The following CCDC62 variants were observed in gnomAD, a reference collection of about 807,000 sequenced individuals.
CCDC62 encodes coiled-coil domain-containing protein 62.
CCDC62 carries 72 observed loss-of-function variants against 80.8 expected under a neutral mutation model. The observed-to-expected ratio is 0.89, with a 90% CI of 0.74 to 1.08. The LOEUF (loss-of-function observed/expected upper bound fraction) is 1.08. CCDC62 is among the 50% of genes least tolerant of loss of function. The probability of loss-of-function intolerance (pLI) is 0.00; values close to 1 mark genes in which losing one functional copy is unlikely to be tolerated. For synonymous variants in CCDC62, 286 were observed against 296.5 expected, an observed-to-expected ratio of 0.96 and a Z score of 0.36; for missense variants, 704 against 809.4, an observed-to-expected ratio of 0.87 and a Z score of 1.58.
intron 11 of CCDC62, among the ~76,000 whole-genome samples, chr12:122,823,142 G>A (rs1359413542): frequency 6.6e-6 from 1 of 152,124 alleles, no homozygotes; most frequent in Non-Finnish European, 1.5e-5. Flanking sequence ...TGTATTTTTG[G>A]TAGAGATGGG....
chr12:122,803,696 T>C (rs943190218), intron 9 of CCDC62, among the ~76,000 whole-genome samples: 5 of 152,222 alleles, frequency 3.3e-5, no homozygotes, highest in African/African-American at 1.2e-4. Flanking sequence ...TTCTGCCAGT[T>C]GCAAATTATT....
intron 11 of CCDC62, 26 bp downstream of exon 11, chr12:122,813,445 A>G (rs1341686103): frequency 2.5e-6 from 4 of 1,601,192 alleles, no homozygotes; most frequent in East Asian, 2.2e-5. Context: ...TCTCTTGACT[A>G]TATTTGTCAC....
intron 1 of CCDC62, among the ~76,000 whole-genome samples, chr12:122,776,286 C>T (rs1282156136): frequency 6.6e-6 from 1 of 152,152 alleles, no homozygotes; most frequent in Non-Finnish European, 1.5e-5. Flanking sequence ...GTGGCTAATT[C>T]TGGGATCACA....
intron 6 of CCDC62, among the ~76,000 whole-genome samples, chr12:122,793,283 C>T (rs752744376): frequency 6.6e-6 from 1 of 151,986 alleles, no homozygotes; most frequent in Non-Finnish European, 1.5e-5. Context: ...GGGTAGGTAT[C>T]AGTAGACCAA....
chr12:122,812,650 G>A (rs1188728173), intron 10 of CCDC62, among the ~76,000 whole-genome samples: 45 of 9,906 alleles, frequency 4.5e-3, no homozygotes, highest in East Asian at 0.033. Context: ...AGGCTGAGGT[G>A]GGTGGAGCTT....
At chr12:122,808,633 C>T (rs1030982044) in intron 10 of CCDC62, among the ~76,000 whole-genome samples, 5 of 151,990 alleles carry the variant, frequency 3.3e-5, no homozygotes, top group African/African-American at 1.2e-4. Context: ...CTCAAGTAAT[C>T]CTCCCACTGC....
chr12:122,805,282 A>G (rs1593813975), intron 9 of CCDC62, among the ~76,000 whole-genome samples: 1 of 83,988 alleles, frequency 1.2e-5, no homozygotes, highest in Non-Finnish European at 2.3e-5. Context: ...ATTTCATTGT[A>G]TTTTTAGGGG....
At chr12:122,815,153 A>C (rs1226639242) in intron 11 of CCDC62, among the ~76,000 whole-genome samples, 3 of 151,988 alleles carry the variant, frequency 2.0e-5, no homozygotes, top group Non-Finnish European at 4.4e-5. Context: ...TGCAGGGCCA[A>C]CTTGAACCTC....
At chr12:122,777,717 CT>C (rs1215122786) in intron 2 of CCDC62, 34 bp downstream of exon 2, 6 of 1,572,976 alleles carry the variant, frequency 3.8e-6, no homozygotes, top group Non-Finnish European at 5.2e-6. Context: ...CAGTTATGCA[CT>C]TCTGTGTGCT....
intron 5 of CCDC62, among the ~76,000 whole-genome samples, 189 bp downstream of exon 5, chr12:122,789,118 G>A (rs2030446553): frequency 1.3e-5 from 2 of 152,306 alleles, no homozygotes; most frequent in African/African-American, 2.4e-5. Context: ...AACAGAGTTG[G>A]GGAAAACTGC....
chr12:122,821,065 C>A (rs1252608020), intron 11 of CCDC62, among the ~76,000 whole-genome samples: 1 of 152,050 alleles, frequency 6.6e-6, no homozygotes, highest in African/African-American at 2.4e-5. Context: ...GGGGTCTTTC[C>A]AGGCATCATC....
chr12:122,795,892 C>T (rs2030922821), intron 6 of CCDC62, among the ~76,000 whole-genome samples: 1 of 152,186 alleles, frequency 6.6e-6, no homozygotes, highest in African/African-American at 2.4e-5. Flanking sequence ...GATCAGAATT[C>T]AGCAGGTTCC....
At position 122,801,115 on chromosome 12, in the gene CCDC62, C is replaced by T; in HGVS notation, c.978-9C>T. On this transcript the variant is annotated splice_polypyrimidine_tract_variant and intron_variant, in intron 8 of 12. Transcript: ENST00000253079. ...TATAACCTCCATTTTTTTTCTAATG[C>T]CACCATAGCAGAGACATGTGTTTAT... The T allele has an allele frequency of 1.3e-6, 2 of 1,582,880 alleles. No individual in the cohort carries two copies. The highest frequency in any genetic ancestry group is 1.9e-5 in the Admixed American group (1 of 51,600).
rs530117166 is a variant in CCDC62 at position 122,782,472 on chromosome 12, T to C, written c.396+1142T>C. On this transcript the variant is annotated intron_variant, in intron 3 of 12. Coordinates refer to ENST00000253079, the MANE Select transcript of CCDC62 (RefSeq NM_201435.5). ...TGTTTTCTAAATTATTGTGTGTTTT[T>C]TTTGAGATGGAGTTTCACTCTTGTT... Among the ~76,000 whole-genome samples the C allele has an allele frequency of 3.3e-5, 5 of 152,302 alleles. No individual in the cohort carries two copies. In the East Asian group the frequency reaches 7.7e-4, roughly 24 times the overall value.
At chr12:122,807,940 C>CT (rs1422842612) in intron 10 of CCDC62, among the ~76,000 whole-genome samples, 1 of 152,020 alleles carries the variant, frequency 6.6e-6, no homozygotes, top group African/African-American at 2.4e-5. Context: ...TAAATAATTC[C>CT]TTTTTGTTGC....
At chr12:122,806,871 AAAAG>A (rs1202165390) in intron 10 of CCDC62, among the ~76,000 whole-genome samples, 2 of 151,722 alleles carry the variant, frequency 1.3e-5, no homozygotes, top group African/African-American at 4.8e-5. Context: ...AGAAAAAAGA[AAAAG>A]AAAAACAAAC....
chr12:122,814,892 C>T (rs529184892), intron 11 of CCDC62, among the ~76,000 whole-genome samples: 9 of 152,010 alleles, frequency 5.9e-5, no homozygotes, highest in East Asian at 1.9e-4. Flanking sequence ...TATTCGCAGG[C>T]GTGATCACAG....
chr12:122,812,038 G>A (rs1347754935), intron 10 of CCDC62, among the ~76,000 whole-genome samples: 2 of 152,114 alleles, frequency 1.3e-5, no homozygotes, highest in Admixed American at 6.6e-5. Context: ...GCATTGACAA[G>A]TTGGTTGAGG....
In CCDC62 at chr12:122,823,443, AT is replaced by A. The variant is rs759715212; in HGVS notation, c.*26del. ...GAAGGAAACAAAAGGCAACTTCAGT[AT>A]TCATCGTGATCACGAGTAAGTCACC... On this transcript the variant is annotated 3_prime_UTR_variant, in exon 12 of 13. Coordinates refer to ENST00000253079, the MANE Select transcript of CCDC62 (RefSeq NM_201435.5). The A allele has an allele frequency of 6.4e-7, 1 of 1,553,176 alleles. No homozygotes were observed. Among genetic ancestry groups the A allele is most frequent in the South Asian group, 1.1e-5 (1 of 89,780 alleles).
Sources: allele counts gnomAD v4.1 joint callset (sites outside exome capture counted in the v4.1 genomes callset), GRCh38; gene constraint gnomAD v4.1.1; transcripts MANE v1.5; gene names NCBI Gene and HGNC (gene_info 2026-07-23, HGNC 2026-07-21).